Variants in TECTA observed in about 807,000 individuals in gnomAD.
TECTA encodes the protein tectorin alpha, also known as alpha-tectorin.
Under a neutral mutation model 216.8 loss-of-function variants are expected in TECTA, and 128 were observed. That is an observed-to-expected ratio of 0.59 (90% confidence interval 0.51 to 0.68). The LOEUF is 0.68. Ranked by LOEUF, TECTA falls within the 30% of genes least tolerant of loss-of-function variation. The pLI, the probability that TECTA is intolerant of heterozygous loss-of-function variation, is 0.00. For missense variants in TECTA, 2,551 were observed against 2,786.2 expected (o/e 0.92, Z 1.90); for synonymous variants, 1,089 against 1,117.1 (o/e 0.97, Z 0.50).
rs1946624028 is a variant in TECTA, at chr11:121,127,468, T to G, written c.1775-284T>G. 6.6e-6 allele frequency among the ~76,000 whole-genome samples: 1 copy of G among 151,904 alleles called. No homozygotes were observed. Among genetic ancestry groups the G allele is most frequent in the Non-Finnish European group, 1.5e-5 (1 of 67,956 alleles). Reference sequence around the variant, plus strand: ...GGATCATCAAATAATAAACCTATATTGGGTAATCAGTAGTCTAGAAAGGAT... The same window carrying G: ...GGATCATCAAATAATAAACCTATATGGGGTAATCAGTAGTCTAGAAAGGAT... On this transcript the variant is annotated intron_variant, in intron 8 of 23. Transcript: ENST00000392793. The surrounding 1 kb of genome is among the most constrained non-coding windows in gnomAD (Gnocchi z 5.0).
chr11:121,187,313 T>C (rs766076858), intron 20 of TECTA, among the ~76,000 whole-genome samples: 1 of 151,838 alleles, frequency 6.6e-6, no homozygotes, highest in Middle Eastern at 3.2e-3. Flanking sequence ...CTGAGAAAAG[T>C]GGCAGTCAGC....
rs1201839153 is a variant in TECTA, at chr11:121,113,804, A to G, written c.790+86A>G. ...GCTTTTAAGCCACGGGGGCGGACTC[A>G]TTCCTGATGCCTTACTCTTTTGACA... On this transcript the variant is annotated intron_variant, in intron 6 of 23. Coordinates refer to ENST00000392793, the MANE Select transcript of TECTA (RefSeq NM_005422.4). This position sits in a 1 kb window ranked among gnomAD's most constrained non-coding sequence, Gnocchi z 4.2. The G allele has an allele frequency of 6.7e-7, 1 of 1,492,370 alleles. No homozygotes were observed. The highest frequency in any genetic ancestry group is 9.2e-7 in the Non-Finnish European group (1 of 1,082,522). 92.4% of individuals were successfully genotyped at this position (1,492,370 alleles called of 1,614,324 possible).
chr11:121,188,422 G>T (rs1371469627), intron 21 of TECTA, among the ~76,000 whole-genome samples: 2 of 152,186 alleles, frequency 1.3e-5, no homozygotes, highest in African/African-American at 4.8e-5. Flanking sequence ...AGAGTCTCAA[G>T]GAGCCAGGCG....
At chr11:121,150,626 C>T (rs1407581517) in intron 12 of TECTA, among the ~76,000 whole-genome samples, 1 of 149,834 alleles carries the variant, frequency 6.7e-6, no homozygotes, top group African/African-American at 2.5e-5. Flanking sequence ...TATGACATAC[C>T]ACAAAGGCCT....
chr11:121,189,090 A>G lies in TECTA; in HGVS notation c.6173A>G (p.His2058Arg), dbSNP rs371600734. ...TATTCTGTCTTGCAGACTTGCCCAC[A>G]CAATTCCAGGATTGCCACAGATTAC... ...EKYSCKITCPHNSRIATDYTK... is the reference protein window; with the variant it reads ...EKYSCKITCPRNSRIATDYTK... The change falls in exon 22 of 24, where the codon CAC (histidine) becomes CGC (arginine). Residue 2058 changes from histidine to arginine, a missense_variant. Around this residue, in one of 3 missense-constraint regions of TECTA, gnomAD observed 118 missense variants for 116.4 expected, o/e 1.01. Transcript: ENST00000392793. The G allele has an allele frequency of 1.4e-5, 23 of 1,614,062 alleles. No individual in the cohort carries two copies. The highest frequency in any genetic ancestry group is 1.9e-5 in the Non-Finnish European group (22 of 1,180,010).
chr11:121,175,501 TTTGAG>T (rs1356408364), intron 20 of TECTA, among the ~76,000 whole-genome samples: 2 of 152,196 alleles, frequency 1.3e-5, no homozygotes, highest in Admixed American at 6.5e-5. Context: ...ATTGAGCGGT[TTTGAG>T]TGAGTTTCTT....
intron 12 of TECTA, among the ~76,000 whole-genome samples, chr11:121,152,351 C>T (rs777585653): frequency 2.0e-5 from 3 of 152,222 alleles, no homozygotes; most frequent in Non-Finnish European, 4.4e-5. Flanking sequence ...GAAAAACGTT[C>T]TGTAGAAGCT....
At position 121,114,175 on chromosome 11, in the gene TECTA, A is replaced by T. The variant is rs1404693592; in HGVS notation, c.790+457A>T. On this transcript the variant is annotated intron_variant, in intron 6 of 23. Transcript: ENST00000392793. ...GTTGGAGTATTGCCAAGTTCCTATGAGGGTAAATCAGTACTTCCTAGTATG... is the reference window on the plus strand; with the variant it reads ...GTTGGAGTATTGCCAAGTTCCTATGTGGGTAAATCAGTACTTCCTAGTATG... Among the ~76,000 whole-genome samples, 3 of 152,250 alleles carry T rather than the reference A, an allele frequency of 2.0e-5. No homozygotes were observed. The East Asian group carries it at 5.8e-4, about 29-fold the overall frequency.
chr11:121,180,175 A>G (rs1467210629), intron 20 of TECTA, among the ~76,000 whole-genome samples: 1 of 147,844 alleles, frequency 6.8e-6, no homozygotes, highest in Non-Finnish European at 1.5e-5. Flanking sequence ...TAGCAGTAAC[A>G]TTTGACTCCT....
rs369498440 is a variant in TECTA at position 121,105,986 on chromosome 11, C to G, written c.198+22C>G. The G allele has an allele frequency of 5.0e-6, 8 of 1,614,176 alleles. No homozygotes were observed. The highest frequency in any genetic ancestry group is 6.8e-6 in the Non-Finnish European group (8 of 1,180,012). On this transcript the variant is annotated intron_variant, in intron 3 of 23. Coordinates refer to ENST00000392793, the MANE Select transcript of TECTA (RefSeq NM_005422.4). This position sits in a 1 kb window ranked among gnomAD's most constrained non-coding sequence, Gnocchi z 5.3. ...CTATGTAAGTGGAGAAGCAGCCCATCTGTTGTTCTCTGGCCCTCCCTTTTG... is the reference window on the plus strand; with the variant it reads ...CTATGTAAGTGGAGAAGCAGCCCATGTGTTGTTCTCTGGCCCTCCCTTTTG...
At chr11:121,159,994 T>C in intron 14 of TECTA, 141 bp from the exon 15 acceptor site, 2 of 884,510 alleles carry the variant, frequency 2.3e-6, no homozygotes, top group Non-Finnish European at 3.6e-6. Flanking sequence ...CCTGCTGTCA[T>C]GCTGCAGGGA....
At chr11:121,189,230 G>A in intron 22 of TECTA, 63 bp downstream of exon 22, 1 of 1,549,840 alleles carries the variant, frequency 6.5e-7, no homozygotes, top group South Asian at 1.1e-5. Context: ...AGGCTCAGAT[G>A]TGTTTCACCT....
At chr11:121,160,580 A>G (rs1184325069) in intron 15 of TECTA, among the ~76,000 whole-genome samples, 159 bp downstream of exon 15, 2 of 152,244 alleles carry the variant, frequency 1.3e-5, no homozygotes, top group Non-Finnish European at 2.9e-5. Flanking sequence ...AAATAGGCAC[A>G]TCAGAGACCC....
intron 10 of TECTA, among the ~76,000 whole-genome samples, chr11:121,136,410 C>T (rs1436718886): frequency 2.0e-5 from 3 of 152,054 alleles, no homozygotes. Flanking sequence ...TGATGACCTC[C>T]TTTGCAGAGA....
chr11:121,125,532 G>T lies in TECTA; in HGVS notation c.1434G>T (p.Arg478Ser). 6.2e-7 allele frequency: 1 copy of T among 1,614,214 alleles called. No homozygotes were observed. Among genetic ancestry groups the T allele is most frequent in the Non-Finnish European group, 8.5e-7 (1 of 1,180,050 alleles). ...ATGACTTCCTCCGCCCGGATGGCAG[G>T]CCGGCCATGTCTGTCCTGGATCTGG... ...PLDDFLRPDG[R>S]PAMSVLDLGE... Residue 478 changes from arginine (R) to serine (S), a missense_variant, in exon 8 of 24, where the codon AGG becomes AGT. Arg to Ser is a moderately radical substitution (Grantham distance 110, BLOSUM62 -1). Around this residue, in one of 3 missense-constraint regions of TECTA, gnomAD observed 2,375 missense variants for 2,563.9 expected, o/e 0.93. Transcript: ENST00000392793.
At chr11:121,150,968 CTTTTATAA>C (rs1359743416) in intron 12 of TECTA, among the ~76,000 whole-genome samples, 1 of 151,902 alleles carries the variant, frequency 6.6e-6, no homozygotes, top group Non-Finnish European at 1.5e-5. Context: ...TTTTAAAGAA[CTTTTATAA>C]TTTAATAATA....
At chr11:121,149,524 T>G (rs1011989388) in intron 12 of TECTA, among the ~76,000 whole-genome samples, 31 of 152,218 alleles carry the variant, frequency 2.0e-4, no homozygotes, top group African/African-American at 7.2e-4. Context: ...CTCATTTTAT[T>G]TTGATAACTA....
chr11:121,166,747 C>A lies in TECTA; in HGVS notation c.5553C>A (p.Asn1851Lys). Residue 1851 changes from asparagine to lysine, a missense_variant, in exon 18 of 24, where the codon AAC becomes AAA. Asn to Lys is a moderately conservative substitution (Grantham distance 94). Transcript: ENST00000392793. ...AAGATTTTATCTCCTTTCAGATCAA[C>A]AACACCAAAGGGAATTGTGGAAACA... ...EGEDFISFQI[N>K]NTKGNCGNIV... is the part of the protein sequence containing the mutation. 6.2e-7 allele frequency: 1 copy of A among 1,614,146 alleles called. No individual in the cohort carries two copies. Among genetic ancestry groups the A allele is most frequent in the East Asian group, 2.2e-5 (1 of 44,890 alleles).
chr11:121,167,406 T>C (rs1242456292), intron 18 of TECTA, among the ~76,000 whole-genome samples: 1 of 152,208 alleles, frequency 6.6e-6, no homozygotes, highest in African/African-American at 2.4e-5. Flanking sequence ...CACTCCATCC[T>C]GGGTGATAGT....
Sources: gnomAD v4.1 joint callset for allele counts (sites outside exome capture counted in the v4.1 genomes callset) on GRCh38, gnomAD v4.1.1 for gene constraint, gnomAD v4.1.1 regional missense constraint, Gnocchi (gnomAD v3.1) non-coding constraint, MANE v1.5 for transcripts, NCBI Gene and HGNC (gene_info 2026-07-23, HGNC 2026-07-21) for gene names.